ZWILCH: variants seen among roughly 807,000 people sequenced by gnomAD.
The protein encoded by ZWILCH is protein zwilch homolog.
A neutral mutation model predicts 79.9 loss-of-function variants in ZWILCH; 74 were observed. The observed-to-expected ratio is 0.93, with a 90% CI of 0.77 to 1.12. ZWILCH has a LOEUF of 1.12. Ranked by LOEUF, ZWILCH falls within the 50% of genes most tolerant of loss-of-function variation. The pLI is 0.00. For missense variants in ZWILCH, 694 were observed against 687.5 expected (o/e 1.01, Z -0.11); for synonymous variants, 241 against 228.2 (o/e 1.06, Z -0.51).
At chr15:66,517,750 T>C (rs1414309240) in intron 4 of ZWILCH, among the ~76,000 whole-genome samples, 1 of 66,520 alleles carries the variant, frequency 1.5e-5, no homozygotes, top group Non-Finnish European at 2.8e-5. Flanking sequence ...TTTTTTTTTT[T>C]TTGAGACAGA....
chr15:66,546,668 C>G lies in ZWILCH; in HGVS notation c.1765C>G (p.His589Asp). Residue 589 changes from histidine (H) to aspartate (D), a missense_variant, in exon 18 of 19, where the codon CAT (histidine) becomes GAT (aspartate). Coordinates refer to ENST00000307897, the MANE Select transcript of ZWILCH (RefSeq NM_017975.5). ...TAACATGGTTACCTGCAGCCAGGTG[C>G]ATTTCAAGTGAAGTGTGCTGATGAA... The part of the protein sequence containing the change: ...FTNMVTCSQV[H>D]FK 6.2e-7 allele frequency: 1 copy of G among 1,606,266 alleles called. No individual in the cohort carries two copies. Among genetic ancestry groups the G allele is most frequent in the African/African-American group, 1.3e-5 (1 of 74,890 alleles).
chr15:66,515,691 T>C (rs373689385), intron 4 of ZWILCH, 47 bp downstream of exon 4: 2 of 1,292,010 alleles, frequency 1.5e-6, no homozygotes, highest in African/African-American at 1.5e-5. Flanking sequence ...AGGATTTAAA[T>C]TGAAACATTC....
intron 14 of ZWILCH, among the ~76,000 whole-genome samples, chr15:66,533,886 C>T (rs1378990499): frequency 6.6e-6 from 1 of 152,034 alleles, no homozygotes; most frequent in African/African-American, 2.4e-5. Context: ...TTGGGAGGAT[C>T]ACTTGAGCCC....
chr15:66,523,816 T>C, intron 8 of ZWILCH, 68 bp downstream of exon 8: 2 of 1,268,954 alleles, frequency 1.6e-6, no homozygotes, highest in South Asian at 1.3e-5. Flanking sequence ...TATTGTTGTT[T>C]TTACTTAGGT....
intron 15 of ZWILCH, among the ~76,000 whole-genome samples, chr15:66,536,739 T>C (rs1895028122): frequency 6.6e-6 from 1 of 152,170 alleles, no homozygotes; most frequent in Non-Finnish European, 1.5e-5. Context: ...AAGTTTTGTT[T>C]TTTTTTTCCC....
chr15:66,543,935 A>G (rs1895271176), intron 17 of ZWILCH, among the ~76,000 whole-genome samples: 1 of 152,210 alleles, frequency 6.6e-6, no homozygotes, highest in African/African-American at 2.4e-5. Flanking sequence ...AAGAAGAAAC[A>G]TATATTCTTT....
intron 17 of ZWILCH, among the ~76,000 whole-genome samples, chr15:66,545,079 G>T (rs1354271269): frequency 6.8e-6 from 1 of 147,362 alleles, no homozygotes; most frequent in Admixed American, 6.8e-5. Context: ...TTGGCCAGTT[G>T]TGGTGGCTCA....
chr15:66,544,653 T>C (rs767425258), intron 17 of ZWILCH, among the ~76,000 whole-genome samples: 1 of 151,690 alleles, frequency 6.6e-6, no homozygotes, highest in Non-Finnish European at 1.5e-5. Flanking sequence ...AAAAGGACAA[T>C]TTTAAAGACA....
intron 7 of ZWILCH, among the ~76,000 whole-genome samples, chr15:66,521,522 G>A (rs1894492852): frequency 1.3e-5 from 2 of 152,078 alleles, no homozygotes; most frequent in African/African-American, 2.4e-5. Context: ...TTGAGACAGA[G>A]TCTTACTCTG....
intron 2 of ZWILCH, among the ~76,000 whole-genome samples, chr15:66,511,052 C>G (rs963801718): frequency 6.6e-6 from 1 of 152,204 alleles, no homozygotes; most frequent in African/African-American, 2.4e-5. Context: ...CCTGAAACTC[C>G]TCAAGAACCT....
At chr15:66,510,908 C>G (rs1240845389) in intron 2 of ZWILCH, among the ~76,000 whole-genome samples, 1 of 152,138 alleles carries the variant, frequency 6.6e-6, no homozygotes, top group African/African-American at 2.4e-5. Flanking sequence ...TTAGGGCTTG[C>G]CCTAATCCAA....
chr15:66,535,880 A>G, intron 14 of ZWILCH, 53 bp from the exon 15 acceptor site: 1 of 1,516,764 alleles, frequency 6.6e-7, no homozygotes, highest in Non-Finnish European at 8.8e-7. Flanking sequence ...ATTCTTTACA[A>G]AGGTTACACA....
At chr15:66,517,290 A>G (rs1894300944) in intron 4 of ZWILCH, among the ~76,000 whole-genome samples, 3 of 151,448 alleles carry the variant, frequency 2.0e-5, no homozygotes, top group Admixed American at 1.3e-4. Context: ...CTAGATAGAT[A>G]TATGCAAAGC....
chr15:66,516,164 C>T (rs752103786), intron 4 of ZWILCH, among the ~76,000 whole-genome samples: 2 of 152,206 alleles, frequency 1.3e-5, no homozygotes, highest in African/African-American at 2.4e-5. Context: ...ATTTAGTGCA[C>T]CTGCGCCGTG....
In ZWILCH at chr15:66,505,512, G is replaced by T. The variant is rs182393183; in HGVS notation, c.53+121G>T. 2.5e-5 allele frequency: 32 copies of T among 1,259,266 alleles called. No individual in the cohort carries two copies. The Admixed American group carries it at 4.9e-4, about 19-fold the overall frequency. 78.0% of individuals were successfully genotyped at this position (1,259,266 alleles called of 1,614,324 possible). A position where few individuals can be genotyped will look rare whatever the true frequency, so the allele number is the denominator to read the frequency against. On this transcript the variant is annotated intron_variant, in intron 1 of 18. Coordinates refer to ENST00000307897, the MANE Select transcript of ZWILCH (RefSeq NM_017975.5). ...ATCAGCGCTTTGCCAGCTTTCCTGGGGTCCAGGAGTTGGGGAGAGGCCGGT... is the reference window on the plus strand; with the variant it reads ...ATCAGCGCTTTGCCAGCTTTCCTGGTGTCCAGGAGTTGGGGAGAGGCCGGT...
At chr15:66,532,583 A>T (rs538607792) in intron 13 of ZWILCH, among the ~76,000 whole-genome samples, 180 bp downstream of exon 13, 1 of 151,940 alleles carries the variant, frequency 6.6e-6, no homozygotes, top group East Asian at 1.9e-4. Flanking sequence ...CCCAATAAAG[A>T]TATCAAATGC....
rs551408171 is a variant in ZWILCH at position 66,518,027 on chromosome 15, G to A, written c.321-852G>A. On this transcript the variant is annotated intron_variant, in intron 4 of 18. Coordinates refer to ENST00000307897, the MANE Select transcript of ZWILCH (RefSeq NM_017975.5). ...ATTACAAGCTTGAGCCACCGCGCCC[G>A]GCCTGGCTCCTACTTATTTCTTTAG... 5.9e-5 allele frequency among the ~76,000 whole-genome samples: 9 copies of A among 151,782 alleles called. No homozygotes were observed. The South Asian group carries it at 8.3e-4, about 14-fold the overall frequency.
At chr15:66,519,711 C>A (rs1034799587) in intron 5 of ZWILCH, among the ~76,000 whole-genome samples, 5 of 152,206 alleles carry the variant, frequency 3.3e-5, no homozygotes, top group Non-Finnish European at 7.3e-5. Context: ...TGGTCAGGCT[C>A]CTGATCTCAA....
At chr15:66,526,870 CT>C (rs1463941679) in intron 8 of ZWILCH, among the ~76,000 whole-genome samples, 1 of 152,132 alleles carries the variant, frequency 6.6e-6, no homozygotes, top group Non-Finnish European at 1.5e-5. Context: ...CCCCAGACTA[CT>C]TCATTTGTCT....
Sources: allele counts gnomAD v4.1 joint callset (sites outside exome capture counted in the v4.1 genomes callset), GRCh38; gene constraint gnomAD v4.1.1; transcripts MANE v1.5; gene names NCBI Gene and HGNC (gene_info 2026-07-23, HGNC 2026-07-21).